The following COP1 variants were observed in gnomAD, a reference collection of about 807,000 sequenced individuals.
COP1 encodes E3 ubiquitin-protein ligase COP1.
In COP1, 24 loss-of-function variants were observed where a neutral mutation model predicts 101.3. The ratio of observed to expected loss-of-function variants is 0.24; its 90% confidence interval spans 0.17 to 0.33. COP1 has a LOEUF of 0.33. COP1 is among the 10% of genes least tolerant of loss of function. COP1 has a pLI of 1.00. For synonymous variants in COP1, 347 were observed against 341.9 expected, an observed-to-expected ratio of 1.01 and a Z score of -0.17; for missense variants, 663 against 906.2, an observed-to-expected ratio of 0.73 and a Z score of 3.45.
intron 2 of COP1, among the ~76,000 whole-genome samples, chr1:176,177,827 T>C (rs2101949561): frequency 6.6e-6 from 1 of 152,296 alleles, no homozygotes; most frequent in Admixed American, 6.5e-5. Flanking sequence ...GGTTTCGCCC[T>C]TCTGGTTATC....
chr1:176,111,559 C>T (rs1221266339), intron 9 of COP1, among the ~76,000 whole-genome samples: 1 of 152,218 alleles, frequency 6.6e-6, no homozygotes, highest in Non-Finnish European at 1.5e-5. Flanking sequence ...TCCCAAAGTG[C>T]TGGGATTACA....
chr1:175,974,748 G>A (rs778686814), intron 18 of COP1, among the ~76,000 whole-genome samples: 31 of 151,546 alleles, frequency 2.0e-4, no homozygotes, highest in Non-Finnish European at 2.7e-4. Context: ...GAAAGAATAC[G>A]TGGGCCAGGC....
At chr1:176,106,609 A>C (rs1218872095) in intron 9 of COP1, among the ~76,000 whole-genome samples, 1 of 152,110 alleles carries the variant, frequency 6.6e-6, no homozygotes, top group Non-Finnish European at 1.5e-5. Context: ...GCCCCCACCC[A>C]GCAATTGACC....
intron 15 of COP1, among the ~76,000 whole-genome samples, chr1:176,008,946 T>C (rs1198325764): frequency 6.6e-6 from 1 of 152,364 alleles, no homozygotes; most frequent in African/African-American, 2.4e-5. Context: ...TTTGTGTGTA[T>C]GTTGTGGAAT....
rs79065544 is a variant in COP1, at chr1:176,154,121, G to T, written c.763-5047C>A. On this transcript the variant is annotated intron_variant, in intron 5 of 19. Transcript: ENST00000367669. ...CTGGCCTCACAGAATACTTAGGGAG[G>T]AGTGCCTCTTCCTCAATTTTTTGGA... is the stretch of plus-strand genomic sequence containing the variant. Among the ~76,000 whole-genome samples the T allele has an allele frequency of 3.2e-3, 481 of 152,222 alleles. 1 individual carries two copies. The highest frequency in any genetic ancestry group is 0.011 in the African/African-American group (461 of 41,506).
At chr1:175,969,887 G>C (rs1652903349) in intron 18 of COP1, among the ~76,000 whole-genome samples, 1 of 152,022 alleles carries the variant, frequency 6.6e-6, no homozygotes, top group Non-Finnish European at 1.5e-5. Flanking sequence ...AGTACTATTA[G>C]TATCATATTA....
At chr1:175,947,098 T>A in intron 19 of COP1, 97 bp downstream of exon 19, 1 of 827,154 alleles carries the variant, frequency 1.2e-6, no homozygotes. Context: ...TGATTTGGGA[T>A]GATCTCTAAG....
Position 176,052,878 on chromosome 1 carries a change from A to G in COP1, c.1278-6554T>C, listed in dbSNP as rs528616111. ...GCCATAGTATTTTGACCATCATTTC[A>G]TATCAGCACATATGAGAGCAACCTC... On this transcript the variant is annotated intron_variant, in intron 11 of 19. Coordinates refer to ENST00000367669, the MANE Select transcript of COP1 (RefSeq NM_022457.7). Among the ~76,000 whole-genome samples, 3 of 152,274 alleles carry G rather than the reference A, an allele frequency of 2.0e-5. No homozygotes were observed. The South Asian group carries it at 6.2e-4, about 32-fold the overall frequency.
chr1:176,110,565 T>C (rs1377671812), intron 9 of COP1, among the ~76,000 whole-genome samples: 1 of 152,182 alleles, frequency 6.6e-6, no homozygotes, highest in African/African-American at 2.4e-5. Flanking sequence ...GGAAACTTCA[T>C]TATAGCAAGG....
At chr1:176,056,819 C>A (rs989953684) in intron 11 of COP1, among the ~76,000 whole-genome samples, 6 of 152,052 alleles carry the variant, frequency 3.9e-5, no homozygotes, top group Admixed American at 3.9e-4. Flanking sequence ...GTGTTATTCT[C>A]CTAAATGGGA....
intron 18 of COP1, among the ~76,000 whole-genome samples, chr1:175,977,295 T>G (rs1390804364): frequency 6.6e-6 from 1 of 152,172 alleles, no homozygotes; most frequent in Non-Finnish European, 1.5e-5. Flanking sequence ...CATCTTTCAG[T>G]TGGCAATCAC....
intron 1 of COP1, among the ~76,000 whole-genome samples, chr1:176,189,914 GAAGA>G (rs991464684): frequency 2.6e-5 from 4 of 151,648 alleles, no homozygotes; most frequent in East Asian, 1.9e-4. Context: ...AACTTGTTCT[GAAGA>G]AAGAATTATT....
intron 11 of COP1, among the ~76,000 whole-genome samples, chr1:176,068,840 C>T (rs945203132): frequency 5.3e-5 from 8 of 152,118 alleles, no homozygotes; most frequent in African/African-American, 1.9e-4. Flanking sequence ...TGCAAAATGC[C>T]TTCCCTTTAA....
chr1:175,988,465 C>T lies in COP1; in HGVS notation c.1848-53G>A, dbSNP rs1348576866. The T allele has an allele frequency of 4.6e-5, 69 of 1,499,764 alleles. No homozygotes were observed. The Middle Eastern group carries it at 1.8e-3, about 39-fold the overall frequency. 92.9% of individuals were successfully genotyped at this position (1,499,764 alleles called of 1,614,324 possible). On this transcript the variant is annotated intron_variant, in intron 16 of 19. Transcript: ENST00000367669. ...TTACTTAAAATTTCTTGGCACGAAACTCATCACTACTAATTAGAGGCAATG... is the reference window on the plus strand; with the variant it reads ...TTACTTAAAATTTCTTGGCACGAAATTCATCACTACTAATTAGAGGCAATG...
rs532008948 is a variant in COP1 at position 176,173,099 on chromosome 1, C to G, written c.565+2811G>C. 1.6e-3 allele frequency among the ~76,000 whole-genome samples: 237 copies of G among 152,112 alleles called. 1 individual carries two copies. Among genetic ancestry groups the G allele is most frequent in the African/African-American group, 5.5e-3 (229 of 41,506 alleles). On this transcript the variant is annotated intron_variant, in intron 3 of 19. Transcript: ENST00000367669. ...AGGCCGAGGTGGGTGATCACGAGGT[C>G]AGGAGTTTGAGACCAGTCTGGCCAA...
At chr1:176,082,875 T>C (rs1402365142) in intron 10 of COP1, among the ~76,000 whole-genome samples, 1 of 151,756 alleles carries the variant, frequency 6.6e-6, no homozygotes, top group Non-Finnish European at 1.5e-5. Context: ...CTGAGTGAGC[T>C]TTTGTCCCTG....
At chr1:176,027,145 T>C (rs1667804959) in intron 15 of COP1, among the ~76,000 whole-genome samples, 1 of 152,198 alleles carries the variant, frequency 6.6e-6, no homozygotes, top group African/African-American at 2.4e-5. Flanking sequence ...TTATTCACTG[T>C]CCCTAGATGA....
intron 18 of COP1, among the ~76,000 whole-genome samples, chr1:175,959,458 C>T (rs144418289): frequency 9.9e-5 from 15 of 151,692 alleles, no homozygotes; most frequent in Non-Finnish European, 1.6e-4. Flanking sequence ...CATCAAAATA[C>T]GGCAAATGAA....
Position 176,143,808 on chromosome 1 carries a change from A to G in COP1, c.831+5198T>C, listed in dbSNP as rs562277272. Among the ~76,000 whole-genome samples, 20 of 152,274 alleles carry G rather than the reference A, an allele frequency of 1.3e-4. No individual in the cohort carries two copies. The East Asian group carries it at 1.9e-3, about 15-fold the overall frequency. On this transcript the variant is annotated intron_variant, in intron 6 of 19. Coordinates refer to ENST00000367669, the MANE Select transcript of COP1 (RefSeq NM_022457.7). ...AGATGCAAAGTTGATTGACTCCCCA[A>G]TGCTAAACCAAAGTAATTATTCACA...
Sources: gnomAD v4.1 joint callset for allele counts (sites outside exome capture counted in the v4.1 genomes callset) on GRCh38, gnomAD v4.1.1 for gene constraint, MANE v1.5 for transcripts, NCBI Gene and HGNC (gene_info 2026-07-23, HGNC 2026-07-21) for gene names.